Variants in ME1 observed in about 807,000 individuals in gnomAD.
ME1 encodes the protein NADP-dependent malic enzyme.
ME1 carries 74 observed loss-of-function variants against 66.4 expected under a neutral mutation model. The ratio of observed to expected loss-of-function variants is 1.11; its 90% CI spans 0.92 to 1.35. The LOEUF (loss-of-function observed/expected upper bound fraction) is 1.35. ME1 is among the 40% of genes most tolerant of loss of function. The pLI is 0.00. For synonymous variants in ME1, 251 were observed against 235.6 expected (o/e 1.07, Z -0.60); for missense variants, 750 against 694.1 (o/e 1.08, Z -0.90).
rs1789857824 is a variant in ME1, at chr6:83,210,793, A to ACAT, written c.*1128_*1130dup. The ACAT allele has an allele frequency of 6.6e-6, 1 of 152,168 alleles. No homozygotes were observed. The highest frequency in any genetic ancestry group is 6.6e-5 in the Admixed American group (1 of 15,258). 9.4% of individuals were successfully genotyped at this position (152,168 alleles called of 1,614,324 possible). A position where few individuals can be genotyped will look rare whatever the true frequency, so the allele number is the denominator to read the frequency against. ...TTTAAAATTTTTTCCATTACTTCAA[A>ACAT]CATTAGTTTCTAAAGTAAATTAATA... On this transcript the variant is annotated 3_prime_UTR_variant, in exon 14 of 14. Transcript: ENST00000369705.
intron 5 of ME1, among the ~76,000 whole-genome samples, chr6:83,316,992 AC>A (rs1768048205): frequency 6.6e-6 from 1 of 152,176 alleles, no homozygotes; most frequent in South Asian, 2.1e-4. Flanking sequence ...ACCTTCAGTA[AC>A]CTAGAATAGA....
At position 83,431,036 on chromosome 6, in the gene ME1, G is replaced by A; in HGVS notation, c.-82C>T. 1 of 849,218 alleles carries A rather than the reference G, an allele frequency of 1.2e-6. No individual in the cohort carries two copies. Among genetic ancestry groups the A allele is most frequent in the Non-Finnish European group, 1.7e-6 (1 of 602,358 alleles). 52.6% of individuals were successfully genotyped at this position (849,218 alleles called of 1,614,324 possible). ...AGGCGGCGGATGCTGCTGGGGTGAC[G>A]GTGCTGACTGCAGCTGTGGCGGCGG... On this transcript the variant is annotated 5_prime_UTR_variant, in exon 1 of 14. Coordinates refer to ENST00000369705, the MANE Select transcript of ME1 (RefSeq NM_002395.6).
chr6:83,241,966 G>A (rs572585942), intron 7 of ME1, among the ~76,000 whole-genome samples: 63 of 152,152 alleles, frequency 4.1e-4, no homozygotes, highest in African/African-American at 1.2e-3. Flanking sequence ...AGGTTCAAGC[G>A]ATTCTTCTGC....
At chr6:83,277,260 G>A (rs1481943045) in intron 6 of ME1, among the ~76,000 whole-genome samples, 2 of 152,102 alleles carry the variant, frequency 1.3e-5, no homozygotes, top group Admixed American at 6.5e-5. Context: ...CTGTCTATAA[G>A]TTGTGTAATG....
intron 6 of ME1, among the ~76,000 whole-genome samples, chr6:83,285,605 C>T (rs890009802): frequency 6.6e-6 from 1 of 152,136 alleles, no homozygotes; most frequent in Non-Finnish European, 1.5e-5. Flanking sequence ...TTAGTAAAGA[C>T]TTGCAGAAGA....
At chr6:83,283,227 CA>C (rs71545854) in intron 6 of ME1, among the ~76,000 whole-genome samples, 879 of 28,880 alleles carry the variant, frequency 0.03, 36 homozygotes, top group African/African-American at 0.099. Flanking sequence ...GACTCCGTCT[CA>C]AAAAAAAAAA....
At chr6:83,217,855 T>C (rs1790023110) in intron 12 of ME1, among the ~76,000 whole-genome samples, 1 of 152,212 alleles carries the variant, frequency 6.6e-6, no homozygotes, top group South Asian at 2.1e-4. Context: ...GCATTATCAA[T>C]GTCAAAAAAG....
intron 3 of ME1, among the ~76,000 whole-genome samples, chr6:83,380,302 C>A (rs1769371031): frequency 6.6e-6 from 1 of 151,984 alleles, no homozygotes; most frequent in Non-Finnish European, 1.5e-5. Flanking sequence ...GCAAAGAAGT[C>A]AAATTACAAA....
chr6:83,367,685 G>T (rs114364655), intron 3 of ME1, among the ~76,000 whole-genome samples: 5 of 152,140 alleles, frequency 3.3e-5, no homozygotes, highest in Non-Finnish European at 5.9e-5. Flanking sequence ...AGCCTTCCCA[G>T]AAATGAAGAG....
At chr6:83,223,475 T>C (rs547362320) in intron 12 of ME1, among the ~76,000 whole-genome samples, 2 of 152,274 alleles carry the variant, frequency 1.3e-5, no homozygotes, top group South Asian at 2.1e-4. Context: ...TATTTTTAAT[T>C]GTCCCATCAC....
At chr6:83,343,632 G>A (rs1187183683) in intron 5 of ME1, among the ~76,000 whole-genome samples, 1 of 152,144 alleles carries the variant, frequency 6.6e-6, no homozygotes, top group Non-Finnish European at 1.5e-5. Flanking sequence ...TAAAAAGAGA[G>A]AGAAAAAGCT....
intron 7 of ME1, among the ~76,000 whole-genome samples, chr6:83,240,982 G>A (rs1041726858): frequency 1.3e-5 from 2 of 152,014 alleles, no homozygotes; most frequent in African/African-American, 4.8e-5. Flanking sequence ...ATTATGAACT[G>A]TGCTAAGTCA....
chr6:83,216,240 G>T (rs1789990826), intron 13 of ME1, among the ~76,000 whole-genome samples: 2 of 152,128 alleles, frequency 1.3e-5, no homozygotes, highest in South Asian at 2.1e-4. Context: ...AAGCCCTAAT[G>T]AATTATTTAA....
chr6:83,298,542 T>A (rs887189989), intron 6 of ME1, among the ~76,000 whole-genome samples: 1 of 152,220 alleles, frequency 6.6e-6, no homozygotes, highest in Non-Finnish European at 1.5e-5. Context: ...GATAGTTTCT[T>A]TTGCTGTGCA....
At chr6:83,419,143 C>G (rs1770217050) in intron 1 of ME1, among the ~76,000 whole-genome samples, 1 of 151,550 alleles carries the variant, frequency 6.6e-6, no homozygotes, top group African/African-American at 2.4e-5. Flanking sequence ...ATGGGAAGCC[C>G]CAGTACCTTT....
At chr6:83,255,397 A>C (rs1179289375) in intron 6 of ME1, among the ~76,000 whole-genome samples, 1 of 151,796 alleles carries the variant, frequency 6.6e-6, no homozygotes, top group Admixed American at 6.6e-5. Context: ...AATTGTTTTC[A>C]CCAAATAAAT....
At chr6:83,398,843 C>T (rs985966586) in intron 2 of ME1, among the ~76,000 whole-genome samples, 1 of 151,838 alleles carries the variant, frequency 6.6e-6, no homozygotes, top group Non-Finnish European at 1.5e-5. Context: ...GTGGCTCACG[C>T]CTGTAATCCC....
At chr6:83,398,747 G>T (rs547643936) in intron 2 of ME1, among the ~76,000 whole-genome samples, 1 of 152,052 alleles carries the variant, frequency 6.6e-6, no homozygotes, top group Admixed American at 6.6e-5. Flanking sequence ...TGAGGTGGGC[G>T]GATCACAAGA....
intron 1 of ME1, among the ~76,000 whole-genome samples, chr6:83,426,931 CTAAT>C (rs1332786016): frequency 4.6e-5 from 7 of 151,794 alleles, no homozygotes; most frequent in African/African-American, 1.5e-4. Context: ...GGGAAATAAA[CTAAT>C]TGAGAATAAA....
Sources: allele counts gnomAD v4.1 joint callset (sites outside exome capture counted in the v4.1 genomes callset), GRCh38; gene constraint gnomAD v4.1.1; transcripts MANE v1.5; gene names NCBI Gene and HGNC (gene_info 2026-07-23, HGNC 2026-07-21).